MATCAP1: variants seen among roughly 807,000 people sequenced by gnomAD.
The protein encoded by MATCAP1 is microtubule-associated tyrosine carboxypeptidase 1.
At chr16:67,177,604 G>C in the MATCAP1 span, among the ~76,000 whole-genome samples, 2 of 152,154 alleles carry the variant, frequency 1.3e-5, no homozygotes, top group Admixed American at 6.5e-5. Context: ...TCCAGAAGGA[G>C]CCTTCTGAAG....
the MATCAP1 span, chr16:67,180,735 A>C: frequency 1.7e-6 from 1 of 575,228 alleles, no homozygotes; most frequent in South Asian, 4.0e-5. Flanking sequence ...CAGGCCCTGT[A>C]CTCCACATTG....
chr16:67,178,529 G>A, the MATCAP1 span: 2 of 1,515,376 alleles, frequency 1.3e-6, no homozygotes, highest in East Asian at 2.5e-5. Flanking sequence ...AGGGGAGGCG[G>A]CGCTGGGCGG....
chr16:67,177,973 A>AG, the MATCAP1 span: 2 of 1,557,208 alleles, frequency 1.3e-6, no homozygotes, highest in Non-Finnish European at 1.8e-6. Context: ...CAAGGCAGGG[A>AG]GCTGGCTGGG....
chr16:67,176,745 C>T, the MATCAP1 span: 4 of 1,428,846 alleles, frequency 2.8e-6, no homozygotes, highest in Non-Finnish European at 3.7e-6. This position sits in a 1 kb window ranked among gnomAD's most constrained non-coding sequence, Gnocchi z 4.3. Context: ...GAGCAAACTG[C>T]TTCATGTTCT....
chr16:67,178,432 C>T, the MATCAP1 span: 2 of 1,539,028 alleles, frequency 1.3e-6, no homozygotes, highest in East Asian at 2.5e-5. Context: ...CGGCCGCAGC[C>T]CGTACCGCAG....
At chr16:67,182,181 G>A in the MATCAP1 span, among the ~76,000 whole-genome samples, 105 of 151,764 alleles carry the variant, frequency 6.9e-4, no homozygotes, top group African/African-American at 2.4e-3. Flanking sequence ...CCCGGGAGGC[G>A]GAGTTTGCGG....
the MATCAP1 span, chr16:67,177,944 G>C: frequency 7.0e-7 from 1 of 1,432,158 alleles, no homozygotes; most frequent in Non-Finnish European, 9.8e-7. Context: ...ACCAATCCGA[G>C]GCTCAGGGAA....
the MATCAP1 span, chr16:67,183,762 G>T: frequency 6.2e-6 from 1 of 161,014 alleles, no homozygotes; most frequent in Non-Finnish European, 1.4e-5. Flanking sequence ...CCAATGGAGG[G>T]TGGGGCCAGG....
At chr16:67,179,665 C>A in the MATCAP1 span, 1 of 1,463,692 alleles carries the variant, frequency 6.8e-7, no homozygotes, top group Non-Finnish European at 9.5e-7. The surrounding 1 kb of genome is among the most constrained non-coding windows in gnomAD (Gnocchi z 5.2). Flanking sequence ...TTGGCCAGGG[C>A]ACCCACCCTT....
chr16:67,179,781 G>A, the MATCAP1 span: 1 of 1,611,906 alleles, frequency 6.2e-7, no homozygotes, highest in Non-Finnish European at 8.5e-7. The surrounding 1 kb of genome is among the most constrained non-coding windows in gnomAD (Gnocchi z 5.2). Context: ...CTGATTTGGG[G>A]CATGTAGAGG....
chr16:67,180,013 C>T, the MATCAP1 span: 1 of 1,612,704 alleles, frequency 6.2e-7, no homozygotes, highest in Non-Finnish European at 8.5e-7. Context: ...TGGTCAGGGC[C>T]AGGATACGGT....
chr16:67,180,163 G>C, the MATCAP1 span: 2 of 1,614,204 alleles, frequency 1.2e-6, no homozygotes, highest in Admixed American at 1.7e-5. Context: ...TCTCGCTCAC[G>C]GTCCATGTTG....
chr16:67,176,627 C>G, the MATCAP1 span: 1 of 513,434 alleles, frequency 1.9e-6, no homozygotes, highest in African/African-American at 2.0e-5. This position sits in a 1 kb window ranked among gnomAD's most constrained non-coding sequence, Gnocchi z 4.3. Context: ...TCCCCAGACC[C>G]CAGGGAGGCT....
chr16:67,177,873 C>T, the MATCAP1 span: 1 of 712,236 alleles, frequency 1.4e-6, no homozygotes, highest in South Asian at 1.7e-5. Flanking sequence ...ATCTCCTGTT[C>T]TCACTTCCAC....
chr16:67,182,313 AAC>A, the MATCAP1 span, among the ~76,000 whole-genome samples: 1 of 151,878 alleles, frequency 6.6e-6, no homozygotes, highest in African/African-American at 2.4e-5. Flanking sequence ...TGGTTTTCCA[AAC>A]ACAGTCGAAC....
the MATCAP1 span, chr16:67,179,189 G>A: frequency 7.4e-7 from 1 of 1,345,510 alleles, no homozygotes; most frequent in South Asian, 1.8e-5. This position sits in a 1 kb window ranked among gnomAD's most constrained non-coding sequence, Gnocchi z 5.2. Flanking sequence ...GAAGTGGAGA[G>A]AGAAAAATAT....
chr16:67,179,089 G>A, the MATCAP1 span: 1 of 1,179,554 alleles, frequency 8.5e-7, no homozygotes. This position sits in a 1 kb window ranked among gnomAD's most constrained non-coding sequence, Gnocchi z 5.2. Flanking sequence ...GGCCAGCGTG[G>A]TGGCTGGCCT....
At chr16:67,180,065 C>T in the MATCAP1 span, 25 of 1,614,070 alleles carry the variant, frequency 1.5e-5, no homozygotes, top group Middle Eastern at 4.9e-4. Flanking sequence ...GTCCAGAGGC[C>T]TCGCAGTACT....
At chr16:67,177,071 C>A in the MATCAP1 span, 1 of 1,145,756 alleles carries the variant, frequency 8.7e-7, no homozygotes, top group Non-Finnish European at 1.2e-6. Flanking sequence ...GCCTTTGCTC[C>A]GGGACTTCTT....
Sources: gnomAD v4.1 joint callset for allele counts (sites outside exome capture counted in the v4.1 genomes callset) on GRCh38, gnomAD v4.1.1 for gene constraint, Gnocchi (gnomAD v3.1) non-coding constraint, MANE v1.5 for transcripts, NCBI Gene and HGNC (gene_info 2026-07-23, HGNC 2026-07-21) for gene names.